The following CNIH3 variants were observed in gnomAD, a reference collection of about 807,000 sequenced individuals.
CNIH3 encodes protein cornichon homolog 3.
Under a neutral mutation model 24.1 loss-of-function variants are expected in CNIH3, and 14 were observed. The observed-to-expected ratio is 0.58, with a 90% confidence interval of 0.38 to 0.91. CNIH3 has a LOEUF of 0.91. CNIH3 is among the 40% of genes least tolerant of loss of function. CNIH3 has a pLI of 0.00. For synonymous variants in CNIH3, 68 were observed against 73.8 expected, an observed-to-expected ratio of 0.92 and a Z score of 0.40; for missense variants, 178 against 196.8, an observed-to-expected ratio of 0.90 and a Z score of 0.57.
chr1:224,617,132 A>G lies in CNIH3; in HGVS notation c.-43A>G, dbSNP rs774626561. ...TCCTCTAGGGAGGCATCGGGCTCCT[A>G]GGGGCTTCTTGGCGTGTGTGGTGGG... On this transcript the variant is annotated 5_prime_UTR_variant, in exon 1 of 6. Coordinates refer to ENST00000272133, the MANE Select transcript of CNIH3 (RefSeq NM_152495.2). The G allele has an allele frequency of 7.5e-6, 12 of 1,608,842 alleles. No individual in the cohort carries two copies. Among genetic ancestry groups the G allele is most frequent in the Admixed American group, 1.7e-5 (1 of 59,350 alleles).
intron 1 of CNIH3, among the ~76,000 whole-genome samples, chr1:224,499,879 C>A (rs1390275655): frequency 1.4e-5 from 2 of 141,946 alleles, no homozygotes; most frequent in African/African-American, 5.5e-5. Flanking sequence ...GCCTGGGCAA[C>A]ATAGCGACAT....
At chr1:224,643,518 G>A (rs143205840) in intron 1 of CNIH3, among the ~76,000 whole-genome samples, 4 of 152,334 alleles carry the variant, frequency 2.6e-5, no homozygotes, top group Middle Eastern at 3.4e-3. Context: ...AAGGCCTGAC[G>A]TGGTGGGTCT....
At chr1:224,464,580 A>G (rs1168156138) in intron 1 of CNIH3, among the ~76,000 whole-genome samples, 1 of 152,228 alleles carries the variant, frequency 6.6e-6, no homozygotes, top group African/African-American at 2.4e-5. Flanking sequence ...TGAAAAAACT[A>G]TCCTTTCTCC....
intron 1 of CNIH3, among the ~76,000 whole-genome samples, chr1:224,490,104 A>T (rs1228150589): frequency 6.6e-6 from 1 of 152,242 alleles, no homozygotes; most frequent in Non-Finnish European, 1.5e-5. Flanking sequence ...CTTTATTTGT[A>T]GTGAGTGTTG....
At chr1:224,647,751 C>A (rs1684682537) in intron 1 of CNIH3, among the ~76,000 whole-genome samples, 1 of 152,054 alleles carries the variant, frequency 6.6e-6, no homozygotes, top group African/African-American at 2.4e-5. Flanking sequence ...TGGGAGCCAG[C>A]AGGGCAGAGG....
intron 3 of CNIH3, among the ~76,000 whole-genome samples, chr1:224,724,428 A>G (rs1213678476): frequency 6.6e-6 from 1 of 152,238 alleles, no homozygotes; most frequent in African/African-American, 2.4e-5. Flanking sequence ...AAAGGGGCCC[A>G]GAATGTAGTT....
intron 3 of CNIH3, among the ~76,000 whole-genome samples, chr1:224,594,220 C>A (rs1467820501): frequency 1.3e-5 from 2 of 152,164 alleles, no homozygotes; most frequent in Non-Finnish European, 2.9e-5. Flanking sequence ...ACCCCTAGAG[C>A]CCAAGCCTGG....
chr1:224,516,775 G>T (rs758155079), intron 1 of CNIH3, among the ~76,000 whole-genome samples: 2 of 152,212 alleles, frequency 1.3e-5, no homozygotes, highest in Non-Finnish European at 2.9e-5. Flanking sequence ...AAACTTTGCA[G>T]CACGTTTTCT....
intron 1 of CNIH3, among the ~76,000 whole-genome samples, chr1:224,635,269 A>G (rs772562274): frequency 5.3e-5 from 8 of 152,030 alleles, no homozygotes; most frequent in Non-Finnish European, 1.0e-4. Context: ...CCATGATCCA[A>G]TCACCTCCCA....
chr1:224,488,384 A>C (rs1031796025), intron 1 of CNIH3, among the ~76,000 whole-genome samples: 9 of 142,804 alleles, frequency 6.3e-5, no homozygotes, highest in African/African-American at 2.4e-4. Flanking sequence ...TAATTTATCT[A>C]TCTGTTAATC....
intron 4 of CNIH3, chr1:224,574,830 G>A: frequency 4.3e-6 from 4 of 925,020 alleles, no homozygotes; most frequent in Non-Finnish European, 7.2e-6. Flanking sequence ...TAATGGTAAT[G>A]TGGTTCCCAG....
rs1572809376 is a variant in CNIH3 at position 224,721,702 on chromosome 1, G to A, written c.199-8760G>A. Among the ~76,000 whole-genome samples, 4 of 152,196 alleles carry A rather than the reference G, an allele frequency of 2.6e-5. No individual in the cohort carries two copies. The South Asian group carries it at 8.3e-4, about 32-fold the overall frequency. On this transcript the variant is annotated intron_variant, in intron 3 of 5. Transcript: ENST00000272133. Reference sequence around the variant, plus strand: ...TCCAAAGGTTTGGTCCTAAAAGGAAGCTGTCCCCTTACAGATCTATAAAGT... The same window carrying A: ...TCCAAAGGTTTGGTCCTAAAAGGAAACTGTCCCCTTACAGATCTATAAAGT...
intron 1 of CNIH3, among the ~76,000 whole-genome samples, chr1:224,494,092 C>T (rs949524430): frequency 2.6e-5 from 4 of 152,146 alleles, no homozygotes; most frequent in Admixed American, 2.0e-4. Context: ...CCACCAGGGT[C>T]GATTTTTAAA....
chr1:224,712,322 T>C (rs1462483845), intron 3 of CNIH3, among the ~76,000 whole-genome samples: 1 of 152,210 alleles, frequency 6.6e-6, no homozygotes, highest in African/African-American at 2.4e-5. Context: ...GAAGGGATTC[T>C]GATGTGCAAT....
At chr1:224,584,123 T>A (rs1256599660) in intron 5 of CNIH3, among the ~76,000 whole-genome samples, 1 of 152,240 alleles carries the variant, frequency 6.6e-6, no homozygotes, top group Non-Finnish European at 1.5e-5. Flanking sequence ...TTTTTGCACA[T>A]CATTATTGCT....
chr1:224,585,989 C>G (rs1681491373), intron 5 of CNIH3, among the ~76,000 whole-genome samples: 1 of 152,208 alleles, frequency 6.6e-6, no homozygotes, highest in Admixed American at 6.5e-5. Context: ...ACATTTTCCC[C>G]TACATGGCAA....
At chr1:224,715,165 C>G (rs1453659004) in intron 3 of CNIH3, among the ~76,000 whole-genome samples, 1 of 152,188 alleles carries the variant, frequency 6.6e-6, no homozygotes, top group African/African-American at 2.4e-5. Context: ...ATCCAGGGGG[C>G]ATTTTTCATT....
At chr1:224,509,992 G>A (rs1678075034) in intron 1 of CNIH3, among the ~76,000 whole-genome samples, 1 of 152,180 alleles carries the variant, frequency 6.6e-6, no homozygotes, top group Non-Finnish European at 1.5e-5. Context: ...AAGCTCCTTT[G>A]GCTGCTGGTT....
chr1:224,595,122 C>T (rs913355000), intron 3 of CNIH3, among the ~76,000 whole-genome samples: 3 of 152,230 alleles, frequency 2.0e-5, no homozygotes, highest in Non-Finnish European at 4.4e-5. Flanking sequence ...TCAGAGCTCA[C>T]TGTAGCCTTG....
Sources: gnomAD v4.1 joint callset for allele counts (sites outside exome capture counted in the v4.1 genomes callset) on GRCh38, gnomAD v4.1.1 for gene constraint, MANE v1.5 for transcripts, NCBI Gene and HGNC (gene_info 2026-07-23, HGNC 2026-07-21) for gene names.